The following PPFIA3 variants were observed in gnomAD, a reference collection of about 807,000 sequenced individuals.
The protein encoded by PPFIA3 is PPFI scaffold protein A3.
In PPFIA3, 26 loss-of-function variants were observed where a neutral mutation model predicts 145.8. That is an observed-to-expected ratio of 0.18 (90% CI 0.13 to 0.25). PPFIA3 has a LOEUF of 0.25. Among genes scored for constraint, PPFIA3 ranks in the 10% least tolerant of loss-of-function variants. The pLI is 1.00. For synonymous variants in PPFIA3, 645 were observed against 661.4 expected, an observed-to-expected ratio of 0.98 and a Z score of 0.38; for missense variants, 1,008 against 1,587.8, an observed-to-expected ratio of 0.63 and a Z score of 6.21.
At chr19:49,122,502 A>C (rs1223065601) in intron 1 of PPFIA3, among the ~76,000 whole-genome samples, 1 of 152,132 alleles carries the variant, frequency 6.6e-6, no homozygotes, top group Non-Finnish European at 1.5e-5. Context: ...GTTCATTTCA[A>C]GTGTGTTCCA....
chr19:49,149,525 G>A lies in PPFIA3; in HGVS notation c.3355-22G>A, dbSNP rs2041319825. 1 of 1,613,608 alleles carries A rather than the reference G, an allele frequency of 6.2e-7. No individual in the cohort carries two copies. ...CAGACAAGGCAGGAGTCCCTCACCG[G>A]CTGTCCGGCTCCTATACCTAGGACA... On this transcript the variant is annotated intron_variant, in intron 27 of 29. Transcript: ENST00000334186. The surrounding 1 kb of genome is among the most constrained non-coding windows in gnomAD (Gnocchi z 5.7).
chr19:49,150,263 C>T lies in PPFIA3; in HGVS notation c.*41C>T. 1 of 1,038,846 alleles carries T rather than the reference C, an allele frequency of 9.6e-7. No individual in the cohort carries two copies. Among genetic ancestry groups the T allele is most frequent in the Non-Finnish European group, 1.4e-6 (1 of 716,866 alleles). The allele number at this position is 1,038,846 out of a possible 1,614,324, so 64.4% of individuals were successfully genotyped here. The stretch of plus-strand genomic sequence containing the variant: ...GACCTCACTCGGACGGAAGAATCTT[C>T]CCGAGGCTGGGCTGTTCCCTCTCCT... On this transcript the variant is annotated 3_prime_UTR_variant, in exon 30 of 30. Transcript: ENST00000334186.
chr19:49,145,306 C>T (rs899052798), intron 21 of PPFIA3, among the ~76,000 whole-genome samples: 2 of 152,172 alleles, frequency 1.3e-5, no homozygotes, highest in African/African-American at 4.8e-5. Flanking sequence ...CTCAGCCTCC[C>T]AAAGTGCTGG....
rs747089011 is a variant in PPFIA3, at chr19:49,133,997, G to T, written c.1246-37G>T. 1 of 1,606,378 alleles carries T rather than the reference G, an allele frequency of 6.2e-7. No homozygotes were observed. The highest frequency in any genetic ancestry group is 1.1e-5 in the South Asian group (1 of 89,988). On this transcript the variant is annotated intron_variant, in intron 10 of 29. Coordinates refer to ENST00000334186, the MANE Select transcript of PPFIA3 (RefSeq NM_003660.4). The surrounding 1 kb of genome is among the most constrained non-coding windows in gnomAD (Gnocchi z 7.2). ...GAGGAAGGGCCGTGGTCTGGGCAGG[G>T]TGGGCTTAACAACCCGCCCCGCTCT... is the stretch of plus-strand genomic sequence containing the variant.
At chr19:49,148,546 A>T in intron 24 of PPFIA3, 120 bp from the exon 25 acceptor site, 1 of 845,278 alleles carries the variant, frequency 1.2e-6, no homozygotes, top group Non-Finnish European at 1.9e-6. Context: ...AACAGTCAAT[A>T]GAACTTATCA....
At chr19:49,148,376 G>T in intron 24 of PPFIA3, 118 bp downstream of exon 24, 1 of 1,170,932 alleles carries the variant, frequency 8.5e-7, no homozygotes, top group Non-Finnish European at 1.2e-6. Context: ...TTTAGCCTGA[G>T]TTCTCAGGAA....
rs1295553711 is a variant in PPFIA3, at chr19:49,149,234, C to T, written c.3286-23C>T. ...CCTCGCAGACTGCACGCTCCAACCGCCCCCTCCACCTCCTCTTTCCAGGCC... is the reference window on the plus strand; with the variant it reads ...CCTCGCAGACTGCACGCTCCAACCGTCCCCTCCACCTCCTCTTTCCAGGCC... On this transcript the variant is annotated intron_variant, in intron 26 of 29. Transcript: ENST00000334186. The surrounding 1 kb of genome is among the most constrained non-coding windows in gnomAD (Gnocchi z 5.7). The T allele has an allele frequency of 6.2e-7, 1 of 1,614,166 alleles. No homozygotes were observed. The highest frequency in any genetic ancestry group is 2.2e-5 in the East Asian group (1 of 44,882).
chr19:49,126,427 T>A lies in PPFIA3; in HGVS notation c.-15-1432T>A, dbSNP rs2040999952. On this transcript the variant is annotated intron_variant, in intron 1 of 29. Transcript: ENST00000334186. Reference sequence around the variant, plus strand: ...CCATGCCCGGCTAATTTTTTTTGTATTTTTAGTAGAGACGGGGGTCACCAT... The same window carrying A: ...CCATGCCCGGCTAATTTTTTTTGTAATTTTAGTAGAGACGGGGGTCACCAT... Among the ~76,000 whole-genome samples the A allele has an allele frequency of 2.6e-5, 4 of 152,202 alleles. No homozygotes were observed. The South Asian group carries it at 8.3e-4, about 31-fold the overall frequency.
chr19:49,144,135 C>T (rs1038507205), intron 21 of PPFIA3, among the ~76,000 whole-genome samples: 1 of 151,816 alleles, frequency 6.6e-6, no homozygotes, highest in African/African-American at 2.4e-5. Context: ...CTCAACCTTC[C>T]GAGTAGCTGG....
Position 49,149,091 on chromosome 19 carries a change from GCA to G in PPFIA3, c.3210_3211del (p.Leu1071AlafsTer77). 1 of 1,614,182 alleles carries G rather than the reference GCA, an allele frequency of 6.2e-7. No homozygotes were observed. Among genetic ancestry groups the G allele is most frequent in the Non-Finnish European group, 8.5e-7 (1 of 1,180,028 alleles). On this transcript the variant is annotated frameshift_variant, in exon 26 of 30. Coordinates refer to ENST00000334186, the MANE Select transcript of PPFIA3 (RefSeq NM_003660.4). LOFTEE classifies it high-confidence loss of function. This position sits in a 1 kb window ranked among gnomAD's most constrained non-coding sequence, Gnocchi z 5.7. ...CCTCACGGAGAGCGGGGTACACGGG[GCA>G]CTGCTCGCCCTGGACGAGACCTTCG... ...TNLTESGVHG[A>X]LLALDETFDY...
In PPFIA3 at chr19:49,136,700, C is replaced by T. The variant is rs930218543; in HGVS notation, c.1666-24C>T. 7 of 1,388,726 alleles carry T rather than the reference C, an allele frequency of 5.0e-6. No individual in the cohort carries two copies. The African/African-American group carries it at 7.1e-5, about 14-fold the overall frequency. 86.0% of individuals were successfully genotyped at this position (1,388,726 alleles called of 1,614,324 possible). A position where few individuals can be genotyped will look rare whatever the true frequency, so the allele number is the denominator to read the frequency against. ...ACCTCGGCCCCCAGCCACCTAATGT[C>T]CCTCTGTCCCCACACAGGGATAGGA... On this transcript the variant is annotated intron_variant, in intron 14 of 29. Coordinates refer to ENST00000334186, the MANE Select transcript of PPFIA3 (RefSeq NM_003660.4).
chr19:49,146,211 G>A lies in PPFIA3; in HGVS notation c.2835+19G>A. The A allele has an allele frequency of 6.2e-7, 1 of 1,612,812 alleles. No homozygotes were observed. The highest frequency in any genetic ancestry group is 1.1e-5 in the South Asian group (1 of 90,972). On this transcript the variant is annotated intron_variant, in intron 23 of 29. Transcript: ENST00000334186. Reference sequence around the variant, plus strand: ...GGAGCAGGTAGGGGGCGCGGGGCGGGGCGTGAGCGCATGAACAGGCTGTGC... The same window carrying A: ...GGAGCAGGTAGGGGGCGCGGGGCGGAGCGTGAGCGCATGAACAGGCTGTGC...
rs1276042778 is a variant in PPFIA3, at chr19:49,130,587, C to G, written c.867C>G (p.Arg289=). ...AGGAAGCCAACTCCAAGCTGCAGCG[C>G]GACCTCAAGGAGGTGAGGCCCCCAG... The part of the protein sequence containing the change: ...KAEEANSKLQ[R]DLKEALAQRE... The change falls in exon 7 of 30, where the codon CGC becomes CGG. Residue 289 remains arginine (R), a synonymous_variant. Coordinates refer to ENST00000334186, the MANE Select transcript of PPFIA3 (RefSeq NM_003660.4). This position sits in a 1 kb window ranked among gnomAD's most constrained non-coding sequence, Gnocchi z 4.5. The G allele has an allele frequency of 3.9e-6, 6 of 1,554,746 alleles. No individual in the cohort carries two copies. In the South Asian group the frequency reaches 7.1e-5, roughly 18 times the overall value.
intron 28 of PPFIA3, 40 bp from the exon 29 acceptor site, chr19:49,150,040 A>G: frequency 1.3e-6 from 2 of 1,583,170 alleles, no homozygotes; most frequent in Non-Finnish European, 1.7e-6. Flanking sequence ...AACAGGGAGG[A>G]GGGTGCTCCA....
intron 23 of PPFIA3, 58 bp from the exon 24 acceptor site, chr19:49,148,025 T>A: frequency 6.5e-7 from 1 of 1,532,896 alleles, no homozygotes; most frequent in Non-Finnish European, 8.9e-7. Context: ...ACCCCTCTCA[T>A]GCACAGTGGG....
At chr19:49,129,919 G>T in intron 5 of PPFIA3, 74 bp from the exon 6 acceptor site, 1 of 1,514,892 alleles carries the variant, frequency 6.6e-7, no homozygotes, top group Non-Finnish European at 9.1e-7. Context: ...CCCCTTAGAG[G>T]GCCAATGCCA....
At position 49,120,763 on chromosome 19, in the gene PPFIA3, G is replaced by A. The variant is rs1346655156; in HGVS notation, c.-16+1041G>A. On this transcript the variant is annotated intron_variant, in intron 1 of 29. Transcript: ENST00000334186. This position sits in a 1 kb window ranked among gnomAD's most constrained non-coding sequence, Gnocchi z 4.6. ...CCCACTTGGGGACCTAAATGTCTTG[G>A]TCCCAGTCTCCTATCCCCTCAGGGA... 2.0e-5 allele frequency among the ~76,000 whole-genome samples: 3 copies of A among 152,044 alleles called. No individual in the cohort carries two copies. The highest frequency in any genetic ancestry group is 2.1e-4 in the South Asian group (1 of 4,824).
intron 1 of PPFIA3, among the ~76,000 whole-genome samples, chr19:49,122,345 G>A (rs2040946011): frequency 1.3e-5 from 2 of 152,100 alleles, no homozygotes. Context: ...GCCTCCCAAA[G>A]TGCTGGGATT....
chr19:49,134,923 C>A lies in PPFIA3; in HGVS notation c.1520+8C>A. ...ACCATCCTCCTACTCCAGGTGACAG[C>A]AGCCCTTCTGCCCTGCCCCCACCAT... On this transcript the variant is annotated splice_region_variant and intron_variant, in intron 13 of 29. Transcript: ENST00000334186. 1.9e-6 allele frequency: 3 copies of A among 1,554,642 alleles called. No individual in the cohort carries two copies. The highest frequency in any genetic ancestry group is 1.2e-5 in the South Asian group (1 of 81,088).
Sources: gnomAD v4.1 joint callset for allele counts (sites outside exome capture counted in the v4.1 genomes callset) on GRCh38, gnomAD v4.1.1 for gene constraint, Gnocchi (gnomAD v3.1) non-coding constraint, MANE v1.5 for transcripts, NCBI Gene and HGNC (gene_info 2026-07-23, HGNC 2026-07-21) for gene names.